SNX29: variants seen among roughly 807,000 people sequenced by gnomAD.
The protein encoded by SNX29 is sorting nexin 29.
In SNX29, 78 loss-of-function variants were observed where a neutral mutation model predicts 102.1. That is an observed-to-expected ratio of 0.76 (90% CI 0.64 to 0.92). The LOEUF is 0.92. Ranked by LOEUF, SNX29 falls within the 40% of genes least tolerant of loss-of-function variation. The pLI is 0.00. For synonymous variants in SNX29, 580 were observed against 414.5 expected (o/e 1.40, Z -4.85); for missense variants, 1,280 against 1,061.7 (o/e 1.21, Z -2.86).
intron 13 of SNX29, among the ~76,000 whole-genome samples, chr16:12,131,407 A>G (rs1157463719): frequency 2.0e-5 from 3 of 152,204 alleles, no homozygotes; most frequent in African/African-American, 7.2e-5. Context: ...CTTTAACTAT[A>G]CATGTAATCT....
intron 20 of SNX29, among the ~76,000 whole-genome samples, chr16:12,559,907 A>T (rs2078618270): frequency 6.6e-6 from 1 of 152,198 alleles, no homozygotes; most frequent in East Asian, 1.9e-4. Flanking sequence ...TGAATGCAGG[A>T]GGTGGAGCTT....
intron 14 of SNX29, among the ~76,000 whole-genome samples, chr16:12,274,250 C>G (rs1187793802): frequency 1.3e-5 from 2 of 152,148 alleles, no homozygotes; most frequent in Non-Finnish European, 2.9e-5. Context: ...TTCTAGCTTT[C>G]CATGTTGCTG....
rs117310180 is a variant in SNX29 at position 12,209,094 on chromosome 16, G to A, written c.1678+9411G>A. ...CTCCTGAAAATCTCGGTTTACTAAT[G>A]GGAAAAAGAGGGCTTTAGATAAATT... On this transcript the variant is annotated intron_variant, in intron 14 of 20. Transcript: ENST00000566228. 8.1e-3 allele frequency among the ~76,000 whole-genome samples: 1,231 copies of A among 152,262 alleles called. 8 individuals are homozygous for A. Among genetic ancestry groups the A allele is most frequent in the Non-Finnish European group, 0.012 (849 of 68,030 alleles).
At position 12,214,381 on chromosome 16, in the gene SNX29, C is replaced by T. The variant is rs116333819; in HGVS notation, c.1678+14698C>T. Among the ~76,000 whole-genome samples the T allele has an allele frequency of 6.3e-3, 963 of 152,318 alleles. 8 individuals are homozygous for T. Among genetic ancestry groups the T allele is most frequent in the African/African-American group, 0.022 (894 of 41,570 alleles). ...GTGTTTATTGGTGTAGTTTGTCAGTCAGCTTTTGTTTTCAACTGCTTTCTG... is the reference window on the plus strand; with the variant it reads ...GTGTTTATTGGTGTAGTTTGTCAGTTAGCTTTTGTTTTCAACTGCTTTCTG... On this transcript the variant is annotated intron_variant, in intron 14 of 20. Transcript: ENST00000566228.
intron 1 of SNX29, among the ~76,000 whole-genome samples, chr16:11,994,719 C>T (rs974782366): frequency 5.9e-5 from 9 of 152,142 alleles, no homozygotes; most frequent in Admixed American, 2.0e-4. Flanking sequence ...CTCTGAGTGG[C>T]GGCAACATTT....
chr16:12,020,230 C>G (rs903806658), intron 3 of SNX29, among the ~76,000 whole-genome samples: 1 of 152,016 alleles, frequency 6.6e-6, no homozygotes, highest in Non-Finnish European at 1.5e-5. Flanking sequence ...TCAAGCAACC[C>G]TTCTGTCTCA....
intron 11 of SNX29, among the ~76,000 whole-genome samples, chr16:12,079,613 C>A (rs1356059122): frequency 6.6e-6 from 1 of 152,136 alleles, no homozygotes; most frequent in Admixed American, 6.5e-5. Context: ...TGAGCAGACA[C>A]TATGTAAACC....
chr16:12,130,114 A>C (rs1041323165), intron 13 of SNX29, among the ~76,000 whole-genome samples: 6 of 150,136 alleles, frequency 4.0e-5, no homozygotes, highest in Non-Finnish European at 7.4e-5. Flanking sequence ...AAAAACAAAA[A>C]CAAACAACAA....
chr16:12,155,783 C>T (rs1421888244), intron 13 of SNX29, among the ~76,000 whole-genome samples: 1 of 152,176 alleles, frequency 6.6e-6, no homozygotes, highest in Non-Finnish European at 1.5e-5. Context: ...CATGGGTTCA[C>T]TAAGTGATCG....
intron 20 of SNX29, among the ~76,000 whole-genome samples, chr16:12,528,608 C>T (rs1362924125): frequency 1.3e-5 from 2 of 152,190 alleles, no homozygotes; most frequent in African/African-American, 4.8e-5. Context: ...GTCTCCTGGG[C>T]ACTGAGCCAG....
intron 15 of SNX29, among the ~76,000 whole-genome samples, chr16:12,336,064 A>C (rs2081439724): frequency 6.6e-6 from 1 of 152,168 alleles, no homozygotes; most frequent in African/African-American, 2.4e-5. Flanking sequence ...TATTAAATCA[A>C]AGAAGAAGAA....
At chr16:12,029,006 A>G (rs2057268872) in intron 4 of SNX29, among the ~76,000 whole-genome samples, 1 of 152,056 alleles carries the variant, frequency 6.6e-6, no homozygotes, top group Non-Finnish European at 1.5e-5. Flanking sequence ...TCGGCCTTCC[A>G]GAGTGCTGGG....
chr16:12,534,216 A>T (rs968197332), intron 20 of SNX29, among the ~76,000 whole-genome samples: 61 of 152,358 alleles, frequency 4.0e-4, no homozygotes, highest in Non-Finnish European at 2.5e-4. Flanking sequence ...GAAAGGGTCC[A>T]TTGGAGTAAT....
intron 18 of SNX29, among the ~76,000 whole-genome samples, chr16:12,460,751 G>A (rs1046694184): frequency 2.7e-5 from 4 of 150,470 alleles, no homozygotes; most frequent in Non-Finnish European, 4.4e-5. Context: ...TCCGCCTCCC[G>A]GGTTCAAGCA....
At chr16:12,404,639 G>T (rs969963000) in intron 18 of SNX29, among the ~76,000 whole-genome samples, 1 of 152,084 alleles carries the variant, frequency 6.6e-6, no homozygotes, top group Non-Finnish European at 1.5e-5. Flanking sequence ...AAATTTTCTT[G>T]TCTATTAAGA....
At chr16:12,177,520 C>T (rs2076287934) in intron 13 of SNX29, among the ~76,000 whole-genome samples, 1 of 151,982 alleles carries the variant, frequency 6.6e-6, no homozygotes. Flanking sequence ...TTACACCTAT[C>T]ATCTTCACAA....
intron 18 of SNX29, among the ~76,000 whole-genome samples, chr16:12,417,200 C>G (rs1261680164): frequency 1.3e-5 from 2 of 152,214 alleles, no homozygotes; most frequent in Non-Finnish European, 2.9e-5. Flanking sequence ...CTTGCATTTC[C>G]CTCAGGCTAG....
intron 18 of SNX29, among the ~76,000 whole-genome samples, chr16:12,457,898 G>A (rs1041234072): frequency 6.6e-6 from 1 of 152,168 alleles, no homozygotes; most frequent in Non-Finnish European, 1.5e-5. Context: ...GACAAAAGAG[G>A]GTTCCTCGTG....
intron 19 of SNX29, among the ~76,000 whole-genome samples, chr16:12,511,169 C>T (rs2089602279): frequency 6.6e-6 from 1 of 152,176 alleles, no homozygotes; most frequent in South Asian, 2.1e-4. Flanking sequence ...CCTATGTGAA[C>T]TGCGGGACTA....
Sources: allele counts gnomAD v4.1 joint callset (sites outside exome capture counted in the v4.1 genomes callset), GRCh38; gene constraint gnomAD v4.1.1; transcripts MANE v1.5; gene names NCBI Gene and HGNC (gene_info 2026-07-23, HGNC 2026-07-21).